EFR3B: variants seen among roughly 807,000 people sequenced by gnomAD.
EFR3B encodes protein EFR3 homolog B.
In EFR3B, 64 loss-of-function variants were observed where a neutral mutation model predicts 104.7. The ratio of observed to expected loss-of-function variants is 0.61; its 90% CI spans 0.50 to 0.75. The LOEUF is 0.75. EFR3B is among the 30% of genes least tolerant of loss of function. EFR3B has a pLI of 0.00. For synonymous variants in EFR3B, 385 were observed against 417.9 expected, an observed-to-expected ratio of 0.92 and a Z score of 0.96; for missense variants, 750 against 1,078.5, an observed-to-expected ratio of 0.70 and a Z score of 4.27.
intron 5 of EFR3B, 87 bp downstream of exon 5, chr2:25,121,881 G>C (rs965638026): frequency 5.9e-6 from 9 of 1,519,066 alleles, no homozygotes; most frequent in South Asian, 3.7e-5. Context: ...CTGCCATTGC[G>C]TGTCTGCTTT....
intron 3 of EFR3B, among the ~76,000 whole-genome samples, chr2:25,098,392 C>T (rs1276133735): frequency 6.6e-6 from 1 of 152,148 alleles, no homozygotes; most frequent in Non-Finnish European, 1.5e-5. Flanking sequence ...ACTTTACTCC[C>T]CACTCCTCCT....
In EFR3B at chr2:25,060,564, A is replaced by G. The variant is rs1035936518; in HGVS notation, c.7+18245A>G. On this transcript the variant is annotated intron_variant, in intron 1 of 22. Coordinates refer to ENST00000403714, the MANE Select transcript of EFR3B (RefSeq NM_014971.2). ...GATTATCAAAATTGGAGTACCTGTT[A>G]GGGGTGGTCTGAGTTAATGGCAAAT... is the stretch of plus-strand genomic sequence containing the variant. Among the ~76,000 whole-genome samples the G allele has an allele frequency of 2.0e-5, 3 of 152,090 alleles. No homozygotes were observed. The South Asian group carries it at 6.2e-4, about 32-fold the overall frequency.
intron 1 of EFR3B, among the ~76,000 whole-genome samples, chr2:25,061,686 G>A (rs1422341452): frequency 6.6e-6 from 1 of 151,380 alleles, no homozygotes; most frequent in Admixed American, 6.6e-5. Context: ...AGTAGAGACG[G>A]GATTTCACCA....
At chr2:25,051,878 G>A (rs2149164326) in intron 1 of EFR3B, among the ~76,000 whole-genome samples, 1 of 150,238 alleles carries the variant, frequency 6.7e-6, no homozygotes, top group East Asian at 2.0e-4. Context: ...GACCTCAGGT[G>A]ATCCGCCCAC....
intron 1 of EFR3B, among the ~76,000 whole-genome samples, chr2:25,087,701 G>C (rs774959168): frequency 6.6e-6 from 1 of 152,144 alleles, no homozygotes; most frequent in Non-Finnish European, 1.5e-5. Context: ...TCGAACTCCT[G>C]ACCTCGAGTG....
chr2:25,126,515 A>G (rs1052881184), intron 5 of EFR3B, among the ~76,000 whole-genome samples: 1 of 152,072 alleles, frequency 6.6e-6, no homozygotes, highest in Non-Finnish European at 1.5e-5. Flanking sequence ...GCCTGCTACC[A>G]TGCCTGGCTA....
In EFR3B at chr2:25,135,633, C is replaced by A. The variant is rs772795747; in HGVS notation, c.1478C>A (p.Thr493Asn). 6.4e-7 allele frequency: 1 copy of A among 1,552,170 alleles called. No individual in the cohort carries two copies. The highest frequency in any genetic ancestry group is 1.4e-5 in the African/African-American group (1 of 73,170). ...CATGGCAACCGCCACAAGTTCTCTA[C>A]CATCAGGTGAACTTGGGGTGTCTCC... ...DRHGNRHKFSTISTLSDISVL... is the reference protein window; with the variant it reads ...DRHGNRHKFSNISTLSDISVL... The change falls in exon 13 of 23, where the codon ACC becomes AAC. Residue 493 changes from threonine to asparagine, a missense_variant. Coordinates refer to ENST00000403714, the MANE Select transcript of EFR3B (RefSeq NM_014971.2).
Position 25,130,698 on chromosome 2 carries a change from A to G in EFR3B, c.849+68A>G. 7.0e-7 allele frequency: 1 copy of G among 1,425,076 alleles called. No homozygotes were observed. The highest frequency in any genetic ancestry group is 9.7e-7 in the Non-Finnish European group (1 of 1,032,756). 88.3% of individuals were successfully genotyped at this position (1,425,076 alleles called of 1,614,324 possible). A position where few individuals can be genotyped will look rare whatever the true frequency, so the allele number is the denominator to read the frequency against. On this transcript the variant is annotated intron_variant, in intron 8 of 22. Coordinates refer to ENST00000403714, the MANE Select transcript of EFR3B (RefSeq NM_014971.2). This position sits in a 1 kb window ranked among gnomAD's most constrained non-coding sequence, Gnocchi z 4.6. ...CCTCTCTAGAAGCTAGACGGGTGCT[A>G]AAATAGAAAGCCAGAAGTCCCCTGT...
chr2:25,080,714 C>A, intron 1 of EFR3B: 1 of 968,052 alleles, frequency 1.0e-6, no homozygotes, highest in Non-Finnish European at 1.6e-6. Flanking sequence ...TTGTCATTTT[C>A]ATCTTCTTGG....
Position 25,131,807 on chromosome 2 carries a change from A to G in EFR3B, c.1043A>G (p.Asp348Gly). 6.5e-7 allele frequency: 1 copy of G among 1,549,368 alleles called. No individual in the cohort carries two copies. Residue 348 changes from aspartate to glycine, a missense_variant, in exon 10 of 23, where the codon GAC becomes GGC. By Grantham distance (94) the Asp-to-Gly change is moderately conservative (BLOSUM62 -1). Coordinates refer to ENST00000403714, the MANE Select transcript of EFR3B (RefSeq NM_014971.2). The surrounding 1 kb of genome is among the most constrained non-coding windows in gnomAD (Gnocchi z 7.6). ...TLLRQLRLSI[D>G]YALTGSYDGA... ...CTGAGGCAGCTGCGGCTCAGCATCG[A>G]CTACGCGCTGACCGGGAGCTACGAC...
chr2:25,093,216 C>T (rs1053648829), intron 3 of EFR3B, 86 bp downstream of exon 3: 5 of 1,486,234 alleles, frequency 3.4e-6, no homozygotes, highest in Non-Finnish European at 4.5e-6. Context: ...AAATGATGGC[C>T]AGGCAGAGTG....
chr2:25,062,670 A>G lies in EFR3B; in HGVS notation c.7+20351A>G, dbSNP rs556383700. On this transcript the variant is annotated intron_variant, in intron 1 of 22. Coordinates refer to ENST00000403714, the MANE Select transcript of EFR3B (RefSeq NM_014971.2). ...ACAACTTACGTGCCGAGTAGCAAGC[A>G]GAGGAAGCTGACCCGGGAAGTCCAT... Among the ~76,000 whole-genome samples the G allele has an allele frequency of 1.2e-4, 19 of 152,332 alleles. 1 individual carries two copies. The East Asian group carries it at 1.7e-3, about 14-fold the overall frequency.
chr2:25,112,911 A>G (rs989987133), intron 4 of EFR3B, among the ~76,000 whole-genome samples: 13 of 152,176 alleles, frequency 8.5e-5, no homozygotes, highest in Admixed American at 3.9e-4. Flanking sequence ...GGGAATGGCT[A>G]TCTTCTGTTT....
At position 25,060,527 on chromosome 2, in the gene EFR3B, G is replaced by T. The variant is rs550903659; in HGVS notation, c.7+18208G>T. ...GTCTGCTACTGTGTTTTGTGAAAGT[G>T]GCTGGAGGGATGATTATCAAAATTG... On this transcript the variant is annotated intron_variant, in intron 1 of 22. Transcript: ENST00000403714. Among the ~76,000 whole-genome samples the T allele has an allele frequency of 3.9e-5, 6 of 152,234 alleles. No homozygotes were observed. In the East Asian group the frequency reaches 1.2e-3, roughly 29 times the overall value.
chr2:25,132,839 G>A, intron 10 of EFR3B, 64 bp from the exon 11 acceptor site: 1 of 1,387,246 alleles, frequency 7.2e-7, no homozygotes, highest in Non-Finnish European at 1.0e-6. Flanking sequence ...CAGCTGAAAG[G>A]CTGAACCAGG....
At chr2:25,106,382 G>A (rs1390128663) in intron 4 of EFR3B, among the ~76,000 whole-genome samples, 5 of 151,368 alleles carry the variant, frequency 3.3e-5, no homozygotes, top group Non-Finnish European at 5.9e-5. Context: ...CTCCGCCTCC[G>A]AGGTTCAAGT....
At chr2:25,122,440 C>T (rs1332069595) in intron 5 of EFR3B, among the ~76,000 whole-genome samples, 1 of 151,714 alleles carries the variant, frequency 6.6e-6, no homozygotes, top group Admixed American at 6.6e-5. Flanking sequence ...ACTCCAGAAA[C>T]ACACCCACTC....
At chr2:25,151,826 A>G in intron 20 of EFR3B, 88 bp from the exon 21 acceptor site, 1 of 1,415,388 alleles carries the variant, frequency 7.1e-7, no homozygotes, top group Non-Finnish European at 9.7e-7. Context: ...GAGCCCAAGC[A>G]ATGCTCATGG....
chr2:25,044,731 C>T (rs1667671851), intron 1 of EFR3B, among the ~76,000 whole-genome samples: 1 of 152,182 alleles, frequency 6.6e-6, no homozygotes, highest in Admixed American at 6.5e-5. Flanking sequence ...ACCTTGTCCA[C>T]CCACCTTGGT....
Sources: gnomAD v4.1 joint callset for allele counts (sites outside exome capture counted in the v4.1 genomes callset) on GRCh38, gnomAD v4.1.1 for gene constraint, Gnocchi (gnomAD v3.1) non-coding constraint, MANE v1.5 for transcripts, NCBI Gene and HGNC (gene_info 2026-07-23, HGNC 2026-07-21) for gene names.